ADAMTS15: variants seen among roughly 807,000 people sequenced by gnomAD.
The protein encoded by ADAMTS15 is A disintegrin and metalloproteinase with thrombospondin motifs 15.
A neutral mutation model predicts 79.1 loss-of-function variants in ADAMTS15; 35 were observed. That is an observed-to-expected ratio of 0.44 (90% CI 0.34 to 0.59). The LOEUF is 0.59. Ranked by LOEUF, ADAMTS15 falls within the 20% of genes least tolerant of loss-of-function variation. ADAMTS15 has a pLI of 0.02. For missense variants in ADAMTS15, 1,324 were observed against 1,318.7 expected (o/e 1.00, Z -0.06); for synonymous variants, 616 against 567.3 (o/e 1.09, Z -1.22).
At chr11:130,461,813 C>A (rs1432247147) in intron 2 of ADAMTS15, among the ~76,000 whole-genome samples, 192 bp downstream of exon 2, 2 of 152,134 alleles carry the variant, frequency 1.3e-5, no homozygotes, top group African/African-American at 4.8e-5. Flanking sequence ...TGGTTTGAGC[C>A]CCTTGGCAGA....
chr11:130,471,191 C>T lies in ADAMTS15; in HGVS notation c.1903-17C>T. On this transcript the variant is annotated splice_polypyrimidine_tract_variant and intron_variant, in intron 6 of 7. Transcript: ENST00000299164. ...TGCCCTGCTCTTCCTTCTTTTTCCC[C>T]TTCTGGGGTGCTGCAGGTGGTGGAC... is the stretch of plus-strand genomic sequence containing the variant. The T allele has an allele frequency of 6.3e-7, 1 of 1,589,352 alleles. No individual in the cohort carries two copies. The highest frequency in any genetic ancestry group is 2.2e-5 in the East Asian group (1 of 44,590).
At position 130,475,022 on chromosome 11, in the gene ADAMTS15, C is replaced by T. The variant is rs1938550259; in HGVS notation, c.*1201C>T. ...CACTGTTTGCTACCTCAGATTATGC[C>T]CTCTGGGAACCCAGCCGTATCCCTC... On this transcript the variant is annotated 3_prime_UTR_variant, in exon 8 of 8. Coordinates refer to ENST00000299164, the MANE Select transcript of ADAMTS15 (RefSeq NM_139055.4). The T allele has an allele frequency of 6.6e-6, 1 of 152,386 alleles. No individual in the cohort carries two copies. Among genetic ancestry groups the T allele is most frequent in the African/African-American group, 2.4e-5 (1 of 41,472 alleles). The allele number at this position is 152,386 out of a possible 1,614,324, so 9.4% of individuals were successfully genotyped here.
intron 1 of ADAMTS15, among the ~76,000 whole-genome samples, chr11:130,452,912 C>T (rs530223708): frequency 6.0e-5 from 9 of 150,496 alleles, no homozygotes; most frequent in African/African-American, 1.7e-4. Context: ...ACCTGGAAGG[C>T]GGAGGTTGCA....
chr11:130,461,386 A>T, intron 1 of ADAMTS15, 103 bp from the exon 2 acceptor site: 1 of 1,526,308 alleles, frequency 6.6e-7, no homozygotes, highest in Admixed American at 1.7e-5. Flanking sequence ...GGTTGGAATG[A>T]GATGAGCTGG....
chr11:130,465,548 G>A (rs1244154265), intron 4 of ADAMTS15, among the ~76,000 whole-genome samples: 2 of 152,204 alleles, frequency 1.3e-5, no homozygotes, highest in Non-Finnish European at 1.5e-5. Context: ...GGAAGGAGTT[G>A]TACAAGCTTG....
At chr11:130,458,575 C>T (rs920392419) in intron 1 of ADAMTS15, among the ~76,000 whole-genome samples, 10 of 152,332 alleles carry the variant, frequency 6.6e-5, no homozygotes, top group Non-Finnish European at 1.3e-4. Flanking sequence ...GGGGAAGGAG[C>T]AGAGGCTGAA....
rs1329604165 is a variant in ADAMTS15 at position 130,473,217 on chromosome 11, T to C, written c.2249T>C (p.Leu750Pro). Residue 750 changes from leucine (L) to proline (P), a missense_variant, in exon 8 of 8, where the codon CTG (leucine) becomes CCG (proline). By Grantham distance (98) the Leu-to-Pro change is moderately conservative (BLOSUM62 -3). Transcript: ENST00000299164. ...GTGGTGTCGGCGGTGGAGCGGGACC[T>C]GGTGGTGAAGGGCAGTCTGCTGCGG... ...HFVVSAVERD[L>P]VVKGSLLRYS... 6.2e-7 allele frequency: 1 copy of C among 1,613,846 alleles called. No homozygotes were observed. Among genetic ancestry groups the C allele is most frequent in the South Asian group, 1.1e-5 (1 of 91,066 alleles).
At chr11:130,450,678 T>G (rs530735439) in intron 1 of ADAMTS15, among the ~76,000 whole-genome samples, 16 of 152,328 alleles carry the variant, frequency 1.1e-4, no homozygotes, top group Admixed American at 6.5e-4. Flanking sequence ...GAGTTTTACT[T>G]GGAGCTGAGT....
Position 130,470,945 on chromosome 11 carries a change from G to T in ADAMTS15, c.1746G>T (p.Glu582Asp), listed in dbSNP as rs1307714008. ...SSASGKSFRE[E>D]QCEAFNGYNH... ...CCTCCGGAAAGAGCTTCCGGGAGGAGCAGTGTGAGGCTTTCAACGGCTACA... is the reference window on the plus strand; with the variant it reads ...CCTCCGGAAAGAGCTTCCGGGAGGATCAGTGTGAGGCTTTCAACGGCTACA... The change falls in exon 6 of 8, where the codon GAG becomes GAT. Residue 582 changes from glutamate (E) to aspartate (D), a missense_variant. Physicochemically the swap from Glu to Asp is conservative, Grantham distance 45 (BLOSUM62 2). Coordinates refer to ENST00000299164, the MANE Select transcript of ADAMTS15 (RefSeq NM_139055.4). 1 of 1,613,746 alleles carries T rather than the reference G, an allele frequency of 6.2e-7. No individual in the cohort carries two copies.
Position 130,449,664 on chromosome 11 carries a change from G to A in ADAMTS15, c.691G>A (p.Val231Ile), listed in dbSNP as rs756806958. 6.3e-7 allele frequency: 1 copy of A among 1,593,628 alleles called. No homozygotes were observed. The highest frequency in any genetic ancestry group is 1.4e-5 in the African/African-American group (1 of 72,568). Residue 231 changes from valine (V) to isoleucine (I), a missense_variant, in exon 1 of 8, where the codon GTC (valine) becomes ATC (isoleucine). Coordinates refer to ENST00000299164, the MANE Select transcript of ADAMTS15 (RefSeq NM_139055.4). This position sits in a 1 kb window ranked among gnomAD's most constrained non-coding sequence, Gnocchi z 7.8. The part of the protein sequence containing the change: ...ETLVVADESM[V>I]KFHGADLEHY... ...GCTGGTGGTCGCGGACGAGTCAATGGTCAAGTTCCACGGCGCGGACCTGGA... is the reference window on the plus strand; with the variant it reads ...GCTGGTGGTCGCGGACGAGTCAATGATCAAGTTCCACGGCGCGGACCTGGA...
In ADAMTS15 at chr11:130,449,101, G is replaced by T; in HGVS notation, c.128G>T (p.Arg43Leu). ...ATTAACGGCCGCCGCTACTACTGGC[G>T]GGGTCCCGAGGACTCCGGGGATCAG... ...PDINGRRYYW[R>L]GPEDSGDQGL... The change falls in exon 1 of 8, where the codon CGG becomes CTG. Residue 43 changes from arginine to leucine, a missense_variant. By Grantham distance (102) the Arg-to-Leu change is moderately radical. Transcript: ENST00000299164. This position sits in a 1 kb window ranked among gnomAD's most constrained non-coding sequence, Gnocchi z 7.8. 1 of 1,581,698 alleles carries T rather than the reference G, an allele frequency of 6.3e-7. No individual in the cohort carries two copies. The highest frequency in any genetic ancestry group is 8.6e-7 in the Non-Finnish European group (1 of 1,159,246).
In ADAMTS15 at chr11:130,462,591, T is replaced by G. The variant is rs1938225004; in HGVS notation, c.1353T>G (p.Ala451=). The G allele has an allele frequency of 3.1e-6, 5 of 1,613,736 alleles. No homozygotes were observed. The highest frequency in any genetic ancestry group is 1.7e-5 in the Admixed American group (1 of 60,018). ...CCCTGAGCCAGCAGTGCGAGCTGGCTTTTGGCGTGGGCTCCAAGCCCTGTC... is the reference window on the plus strand; with the variant it reads ...CCCTGAGCCAGCAGTGCGAGCTGGCGTTTGGCGTGGGCTCCAAGCCCTGTC... ...SYTLSQQCEL[A]FGVGSKPCPY... Residue 451 remains alanine, a synonymous_variant, in exon 4 of 8, where the codon GCT becomes GCG. Transcript: ENST00000299164. This position sits in a 1 kb window ranked among gnomAD's most constrained non-coding sequence, Gnocchi z 4.3.
At position 130,473,940 on chromosome 11, in the gene ADAMTS15, C is replaced by G. The variant is rs79754628; in HGVS notation, c.*119C>G. On this transcript the variant is annotated 3_prime_UTR_variant, in exon 8 of 8. Transcript: ENST00000299164. ...GCTCACGCCACGATGTCACCCACAT[C>G]CGGGGACAAGGACCATGGGCTGGGG... 598 of 1,355,202 alleles carry G rather than the reference C, an allele frequency of 4.4e-4. 10 individuals are homozygous for G. The East Asian group carries it at 0.015, about 34-fold the overall frequency. 83.9% of individuals were successfully genotyped at this position (1,355,202 alleles called of 1,614,324 possible).
At chr11:130,461,346 A>T in intron 1 of ADAMTS15, 143 bp from the exon 2 acceptor site, 4 of 1,180,574 alleles carry the variant, frequency 3.4e-6, no homozygotes, top group Non-Finnish European at 4.7e-6. Context: ...TAGGAAGAAG[A>T]GCCCAGCTGG....
At position 130,470,164 on chromosome 11, in the gene ADAMTS15, A is replaced by ATATATG. The variant is rs1565397698; in HGVS notation, c.1720+730_1720+731insGTATAT. Among the ~76,000 whole-genome samples, 55 of 58,226 alleles carry ATATATG rather than the reference A, an allele frequency of 9.4e-4. 2 individuals are homozygous for ATATATG. The highest frequency in any genetic ancestry group is 4.7e-3 in the African/African-American group (45 of 9,522). 38.2% of individuals were successfully genotyped at this position (58,226 alleles called of 152,430 possible). The stretch of plus-strand genomic sequence containing the variant: ...TATATATATATATGTGTATATATAT[A>ATATATG]TATATATATATATATATGTGTGTAT... On this transcript the variant is annotated intron_variant, in intron 5 of 7. Coordinates refer to ENST00000299164, the MANE Select transcript of ADAMTS15 (RefSeq NM_139055.4).
chr11:130,455,585 G>A (rs1938059627), intron 1 of ADAMTS15, among the ~76,000 whole-genome samples: 1 of 152,216 alleles, frequency 6.6e-6, no homozygotes, highest in South Asian at 2.1e-4. Context: ...CCTTCCTGGG[G>A]ATCATTCATC....
At position 130,473,381 on chromosome 11, in the gene ADAMTS15, C is replaced by G. The variant is rs370956319; in HGVS notation, c.2413C>G (p.Arg805Gly). The change falls in exon 8 of 8, where the codon CGG (arginine) becomes GGG (glycine). Residue 805 changes from arginine to glycine, a missense_variant. Coordinates refer to ENST00000299164, the MANE Select transcript of ADAMTS15 (RefSeq NM_139055.4). ...CTCCTTCTATCTGCCCAAAGAGCCT[C>G]GGGAGGACAAGTCCTCTCATCCCAA... is the stretch of plus-strand genomic sequence containing the variant. ...RYSFYLPKEP[R>G]EDKSSHPKDP... The G allele has an allele frequency of 2.5e-6, 4 of 1,612,704 alleles. No individual in the cohort carries two copies. In the African/African-American group the frequency reaches 5.3e-5, roughly 22 times the overall value.
chr11:130,462,923 G>A lies in ADAMTS15; in HGVS notation c.1542+143G>A. The stretch of plus-strand genomic sequence containing the variant: ...CAGCACTGTTGCATGGCTGAGCTGT[G>A]CCTTCACTGCCCTGTATATAGTCCT... On this transcript the variant is annotated intron_variant, in intron 4 of 7. Transcript: ENST00000299164. The surrounding 1 kb of genome is among the most constrained non-coding windows in gnomAD (Gnocchi z 4.3). The A allele has an allele frequency of 9.0e-7, 1 of 1,116,282 alleles. No homozygotes were observed. The highest frequency in any genetic ancestry group is 2.5e-5 in the East Asian group (1 of 39,904). 69.1% of individuals were successfully genotyped at this position (1,116,282 alleles called of 1,614,324 possible). A position where few individuals can be genotyped will look rare whatever the true frequency, so the allele number is the denominator to read the frequency against.
At chr11:130,454,634 T>A (rs975289287) in intron 1 of ADAMTS15, among the ~76,000 whole-genome samples, 26 of 152,154 alleles carry the variant, frequency 1.7e-4, no homozygotes, top group African/African-American at 6.0e-4. Context: ...TAATTTGTTA[T>A]TCTTGGCCAC....
Sources: gnomAD v4.1 joint callset for allele counts (sites outside exome capture counted in the v4.1 genomes callset) on GRCh38, gnomAD v4.1.1 for gene constraint, Gnocchi (gnomAD v3.1) non-coding constraint, MANE v1.5 for transcripts, NCBI Gene and HGNC (gene_info 2026-07-23, HGNC 2026-07-21) for gene names.